KIF16B: variants seen among roughly 807,000 people sequenced by gnomAD.
KIF16B encodes kinesin-like protein KIF16B.
A neutral mutation model predicts 156.3 loss-of-function variants in KIF16B; 98 were observed. The ratio of observed to expected loss-of-function variants is 0.63; its 90% CI spans 0.53 to 0.74. The LOEUF (loss-of-function observed/expected upper bound fraction) is 0.74, where lower values mean the gene tolerates loss of function less well. Among genes scored for constraint, KIF16B ranks in the 30% least tolerant of loss-of-function variants. The probability of loss-of-function intolerance (pLI) is 0.00; values close to 1 mark genes in which losing one functional copy is unlikely to be tolerated. For missense variants in KIF16B, 1,421 were observed against 1,606.5 expected (o/e 0.88, Z 1.97); for synonymous variants, 564 against 583.7 (o/e 0.97, Z 0.49).
At chr20:16,395,544 A>G (rs2065479681) in intron 17 of KIF16B, among the ~76,000 whole-genome samples, 1 of 152,158 alleles carries the variant, frequency 6.6e-6, no homozygotes, top group African/African-American at 2.4e-5. Context: ...TACATTTGGA[A>G]TCTAGTTCTT....
chr20:16,427,939 C>T (rs1466127300), intron 14 of KIF16B, among the ~76,000 whole-genome samples: 6 of 152,148 alleles, frequency 3.9e-5, no homozygotes, highest in Admixed American at 3.3e-4. Context: ...TCTTGGCTAG[C>T]GTCTTGGGAG....
intron 12 of KIF16B, among the ~76,000 whole-genome samples, chr20:16,451,995 T>G (rs1452060634): frequency 6.6e-6 from 1 of 151,762 alleles, no homozygotes; most frequent in Non-Finnish European, 1.5e-5. Context: ...ATAACATGAG[T>G]AAGTGAAGGG....
intron 24 of KIF16B, among the ~76,000 whole-genome samples, chr20:16,314,590 C>G (rs2063668899): frequency 6.6e-6 from 1 of 152,208 alleles, no homozygotes; most frequent in Admixed American, 6.5e-5. Context: ...GACCACTAAC[C>G]AGCTTACTAG....
At chr20:16,524,793 T>C (rs182903078) in intron 3 of KIF16B, among the ~76,000 whole-genome samples, 1 of 152,258 alleles carries the variant, frequency 6.6e-6, no homozygotes, top group East Asian at 1.9e-4. Context: ...CCATCAATGA[T>C]AGACTGGATA....
intron 1 of KIF16B, among the ~76,000 whole-genome samples, chr20:16,547,640 A>G (rs1212639041): frequency 6.6e-6 from 1 of 152,192 alleles, no homozygotes; most frequent in Non-Finnish European, 1.5e-5. Flanking sequence ...GCTCAGACAC[A>G]GAGAATGCTA....
At chr20:16,419,199 T>C (rs2066165437) in intron 15 of KIF16B, among the ~76,000 whole-genome samples, 1 of 152,160 alleles carries the variant, frequency 6.6e-6, no homozygotes, top group African/African-American at 2.4e-5. Flanking sequence ...CATTGAAAAA[T>C]AGTTGTTGAA....
At chr20:16,461,032 G>A (rs2067332561) in intron 12 of KIF16B, among the ~76,000 whole-genome samples, 1 of 151,914 alleles carries the variant, frequency 6.6e-6, no homozygotes, top group African/African-American at 2.4e-5. Flanking sequence ...ATAGCCTTAA[G>A]AAATTTCATT....
chr20:16,475,772 T>A (rs941941308), intron 12 of KIF16B, among the ~76,000 whole-genome samples: 2 of 152,184 alleles, frequency 1.3e-5, no homozygotes, highest in African/African-American at 4.8e-5. Context: ...CAAAAAGCTT[T>A]CTAATAGCAA....
intron 7 of KIF16B, among the ~76,000 whole-genome samples, chr20:16,506,438 G>C (rs978229318): frequency 6.6e-6 from 1 of 152,166 alleles, no homozygotes; most frequent in Non-Finnish European, 1.5e-5. Flanking sequence ...AAGCCCTGCT[G>C]AATCAGGCTG....
chr20:16,432,603 C>A (rs2066531324), intron 12 of KIF16B, among the ~76,000 whole-genome samples: 1 of 152,106 alleles, frequency 6.6e-6, no homozygotes, highest in African/African-American at 2.4e-5. Context: ...ACCCTGTAGA[C>A]AAGGGAACTC....
chr20:16,442,244 T>C (rs894171257), intron 12 of KIF16B, among the ~76,000 whole-genome samples: 2 of 152,052 alleles, frequency 1.3e-5, no homozygotes, highest in African/African-American at 4.8e-5. Flanking sequence ...TGAAAAATGC[T>C]GAGAGAGTGG....
At chr20:16,540,391 G>C (rs2070148134) in intron 1 of KIF16B, among the ~76,000 whole-genome samples, 1 of 152,166 alleles carries the variant, frequency 6.6e-6, no homozygotes, top group South Asian at 2.1e-4. Context: ...TCCTTCTACA[G>C]TTAAAATAAA....
intron 17 of KIF16B, among the ~76,000 whole-genome samples, chr20:16,385,763 T>C (rs974160987): frequency 6.6e-6 from 1 of 152,066 alleles, no homozygotes; most frequent in Non-Finnish European, 1.5e-5. Flanking sequence ...AGGGCAGTGG[T>C]TGACACTCAC....
chr20:16,504,285 C>G (rs953390620), intron 10 of KIF16B, 87 bp downstream of exon 10: 2 of 1,312,550 alleles, frequency 1.5e-6, no homozygotes, highest in African/African-American at 1.5e-5. Context: ...AAATCAATAG[C>G]ATGAGTGAGA....
chr20:16,353,065 A>G (rs776049954), intron 23 of KIF16B, among the ~76,000 whole-genome samples: 2 of 152,216 alleles, frequency 1.3e-5, no homozygotes, highest in Non-Finnish European at 2.9e-5. Flanking sequence ...TCTAAATTAT[A>G]AAGTGTAATA....
At chr20:16,439,394 T>G (rs965300759) in intron 12 of KIF16B, among the ~76,000 whole-genome samples, 3 of 152,128 alleles carry the variant, frequency 2.0e-5, no homozygotes, top group African/African-American at 7.2e-5. Flanking sequence ...ACGTTTGGAA[T>G]AAAATGGTCA....
intron 6 of KIF16B, among the ~76,000 whole-genome samples, chr20:16,510,673 T>G (rs1006132927): frequency 6.6e-6 from 1 of 151,986 alleles, no homozygotes. Context: ...GGAATACAGA[T>G]GGGGTCCTGT....
In KIF16B at chr20:16,335,935, C is replaced by T. The variant is rs766681593; in HGVS notation, c.3702G>A (p.Lys1234=). The T allele has an allele frequency of 2.6e-6, 4 of 1,566,818 alleles. No homozygotes were observed. Among genetic ancestry groups the T allele is most frequent in the South Asian group, 1.1e-5 (1 of 90,116 alleles). ...TAATTTCATAACTTACCTCTGCATA[C>T]TTTAACTTCAATGTTTTATGCATTT... ...FREMHKTLKL[K]YAELAALEFP... Residue 1234 remains lysine (K), a synonymous_variant, in exon 24 of 26, where the codon AAG becomes AAA. Coordinates refer to ENST00000354981, the MANE Select transcript of KIF16B (RefSeq NM_024704.5).
intron 12 of KIF16B, among the ~76,000 whole-genome samples, chr20:16,450,433 T>C (rs1374279979): frequency 2.6e-5 from 4 of 152,190 alleles, no homozygotes; most frequent in African/African-American, 9.7e-5. Context: ...GGCAAAGTTC[T>C]ACCGCAAAAG....
Sources: gnomAD v4.1 joint callset for allele counts (sites outside exome capture counted in the v4.1 genomes callset) on GRCh38, gnomAD v4.1.1 for gene constraint, MANE v1.5 for transcripts, NCBI Gene and HGNC (gene_info 2026-07-23, HGNC 2026-07-21) for gene names.